EVA1C: variants seen among roughly 807,000 people sequenced by gnomAD.
EVA1C encodes the protein protein eva-1 homolog C.
In EVA1C, 25 loss-of-function variants were observed where a neutral mutation model predicts 45.4. That is an observed-to-expected ratio of 0.55 (90% CI 0.40 to 0.77). The LOEUF (loss-of-function observed/expected upper bound fraction) is 0.77, where lower values mean the gene tolerates loss of function less well. EVA1C is among the 30% of genes least tolerant of loss of function. EVA1C has a pLI of 0.00. For synonymous variants in EVA1C, 190 were observed against 221.2 expected (o/e 0.86, Z 1.25); for missense variants, 479 against 554.8 (o/e 0.86, Z 1.37).
intron 7 of EVA1C, among the ~76,000 whole-genome samples, chr21:32,513,402 G>A (rs1345960587): frequency 2.0e-5 from 3 of 148,588 alleles, no homozygotes; most frequent in Admixed American, 6.7e-5. Flanking sequence ...GGATGGTCTC[G>A]ATCTCCTGAC....
chr21:32,444,399 T>G (rs2035292817), intron 1 of EVA1C, among the ~76,000 whole-genome samples: 1 of 152,106 alleles, frequency 6.6e-6, no homozygotes, highest in African/African-American at 2.4e-5. Context: ...TTGGGTTCCA[T>G]CAATATGGAG....
At chr21:32,475,878 TTTATC>T (rs1170809009) in intron 4 of EVA1C, among the ~76,000 whole-genome samples, 15 of 148,096 alleles carry the variant, frequency 1.0e-4, no homozygotes, top group African/African-American at 3.5e-4. Flanking sequence ...TTCTAAAAAC[TTTATC>T]TATCTATCTA....
chr21:32,485,091 CCTGA>C (rs1023366699), intron 4 of EVA1C, among the ~76,000 whole-genome samples: 27 of 152,192 alleles, frequency 1.8e-4, no homozygotes, highest in Non-Finnish European at 3.4e-4. Flanking sequence ...ATTCTCCTCC[CCTGA>C]CTGTCCACCC....
intron 3 of EVA1C, among the ~76,000 whole-genome samples, chr21:32,461,057 A>G (rs1290646583): frequency 6.6e-6 from 1 of 152,194 alleles, no homozygotes; most frequent in Non-Finnish European, 1.5e-5. Flanking sequence ...CATAGGAGGA[A>G]TTGACCTTGA....
At position 32,495,241 on chromosome 21, in the gene EVA1C, C is replaced by T. The variant is rs374176336; in HGVS notation, c.778+71C>T. 76 of 1,547,322 alleles carry T rather than the reference C, an allele frequency of 4.9e-5. 2 individuals carry two copies. Among genetic ancestry groups the T allele is most frequent in the African/African-American group, 1.4e-4 (10 of 73,548 alleles). On this transcript the variant is annotated intron_variant, in intron 5 of 7. Coordinates refer to ENST00000300255, the MANE Select transcript of EVA1C (RefSeq NM_058187.5). ...TGGGGGAGGGTGGTGACCATGTGAA[C>T]GGCAGGAGTTTGCCCAGAACAAGCC...
At chr21:32,433,456 C>G (rs2034792562) in intron 1 of EVA1C, among the ~76,000 whole-genome samples, 1 of 152,156 alleles carries the variant, frequency 6.6e-6, no homozygotes, top group African/African-American at 2.4e-5. Flanking sequence ...CTGTGGTTGT[C>G]TCTGGCGCGT....
At chr21:32,454,590 C>G (rs548532610) in intron 2 of EVA1C, among the ~76,000 whole-genome samples, 33 of 143,834 alleles carry the variant, frequency 2.3e-4, no homozygotes, top group Non-Finnish European at 4.4e-4. Context: ...TACTGAGTCA[C>G]TTGGCCTTGG....
At chr21:32,445,132 T>C (rs534592080) in intron 1 of EVA1C, among the ~76,000 whole-genome samples, 105 of 152,270 alleles carry the variant, frequency 6.9e-4, no homozygotes, top group Middle Eastern at 3.4e-3. Flanking sequence ...AGGATGGATA[T>C]TGGGGGAATA....
At position 32,511,438 on chromosome 21, in the gene EVA1C, A is replaced by AAAAAAG. The variant is rs772421375; in HGVS notation, c.950-3373_950-3372insAAGAAA. ...CCGTCTCAAAAAAAAAAAAAAAAAA[A>AAAAAAG]AAAGAAAGAAAGAAAGAAAAGAAAA... On this transcript the variant is annotated intron_variant, in intron 7 of 7. Transcript: ENST00000300255. Among the ~76,000 whole-genome samples, 1,039 of 148,492 alleles carry AAAAAAG rather than the reference A, an allele frequency of 7.0e-3. 7 individuals are homozygous for AAAAAAG. The highest frequency in any genetic ancestry group is 0.013 in the Non-Finnish European group (843 of 66,826).
At chr21:32,501,984 TTTTCTTTCTTTCTTTC>T (rs563785580) in intron 6 of EVA1C, among the ~76,000 whole-genome samples, 19,600 of 120,366 alleles carry the variant, frequency 0.16, 1,819 homozygotes, top group Middle Eastern at 0.19. Context: ...TCTCTCGCTC[TTTTCTTTCTTTCTTTC>T]TTTCTTTCTT....
At chr21:32,448,637 T>C (rs1206437073) in intron 1 of EVA1C, among the ~76,000 whole-genome samples, 3 of 152,052 alleles carry the variant, frequency 2.0e-5, no homozygotes, top group Non-Finnish European at 1.5e-5. Context: ...GGCCAGGCAC[T>C]GTGGCTCACA....
At chr21:32,492,642 G>A (rs73353088) in intron 4 of EVA1C, among the ~76,000 whole-genome samples, 11 of 151,816 alleles carry the variant, frequency 7.2e-5, no homozygotes, top group Non-Finnish European at 1.5e-4. Context: ...CCCCCCACAG[G>A]CATCTCCAGA....
At chr21:32,427,855 TAAAAAA>T (rs35551211) in intron 1 of EVA1C, among the ~76,000 whole-genome samples, 3 of 122,540 alleles carry the variant, frequency 2.4e-5, no homozygotes, top group African/African-American at 3.0e-5. Flanking sequence ...CCATCTCTAT[TAAAAAA>T]AAAAAAAAAA....
intron 7 of EVA1C, among the ~76,000 whole-genome samples, chr21:32,511,419 CAAAAAAAAAAAA>C (rs749141703): frequency 2.1e-5 from 1 of 47,602 alleles, no homozygotes; most frequent in African/African-American, 8.7e-5. Flanking sequence ...AACTCCGTCT[CAAAAAAAAAAAA>C]AAAAAAAAAA....
At chr21:32,411,728 T>A (rs1273958821), upstream of EVA1C, among the ~76,000 whole-genome samples, 4 of 152,196 alleles carry the variant, frequency 2.6e-5, no homozygotes, top group Non-Finnish European at 4.4e-5. Flanking sequence ...TCGGGAACAC[T>A]GTGTGCCTAG....
intron 3 of EVA1C, among the ~76,000 whole-genome samples, chr21:32,464,922 A>G (rs2036122165): frequency 6.6e-6 from 1 of 152,218 alleles, no homozygotes; most frequent in African/African-American, 2.4e-5. Flanking sequence ...AGATCCAGCC[A>G]GGTGCCATGG....
intron 4 of EVA1C, among the ~76,000 whole-genome samples, chr21:32,494,417 G>T (rs1008867600): frequency 6.6e-6 from 1 of 152,150 alleles, no homozygotes; most frequent in Non-Finnish European, 1.5e-5. Flanking sequence ...AAAGAACCAA[G>T]AATCTTCATT....
chr21:32,497,873 C>G (rs1601423758), intron 5 of EVA1C, among the ~76,000 whole-genome samples: 1 of 152,238 alleles, frequency 6.6e-6, no homozygotes, highest in South Asian at 2.1e-4. Context: ...TCTCGTGAGT[C>G]CCTTTCACTA....
In EVA1C at chr21:32,457,738, G is replaced by C. The variant is rs767495407; in HGVS notation, c.481+18G>C. ...CCAACCTAGTAAGTAACTTCGGAGG[G>C]GGACAGTGTGTTTGGGGTGTGGTTC... On this transcript the variant is annotated intron_variant, in intron 3 of 7. Transcript: ENST00000300255. 1 of 1,613,826 alleles carries C rather than the reference G, an allele frequency of 6.2e-7. No homozygotes were observed. Among genetic ancestry groups the C allele is most frequent in the Non-Finnish European group, 8.5e-7 (1 of 1,179,894 alleles).
Sources: allele counts gnomAD v4.1 joint callset (sites outside exome capture counted in the v4.1 genomes callset), GRCh38; gene constraint gnomAD v4.1.1; transcripts MANE v1.5; gene names NCBI Gene and HGNC (gene_info 2026-07-23, HGNC 2026-07-21).